SPOCK3: variants seen among roughly 807,000 people sequenced by gnomAD.
SPOCK3 encodes SPARC (osteonectin), cwcv and kazal like domains proteoglycan 3, also known as testican-3.
A neutral mutation model predicts 56.6 loss-of-function variants in SPOCK3; 30 were observed. That is an observed-to-expected ratio of 0.53 (90% CI 0.40 to 0.72). SPOCK3 has a LOEUF of 0.72. Among genes scored for constraint, SPOCK3 ranks in the 30% least tolerant of loss-of-function variants. The pLI, the probability that SPOCK3 is intolerant of heterozygous loss-of-function variation, is 0.00. For missense variants in SPOCK3, 527 were observed against 530.0 expected, an observed-to-expected ratio of 0.99 and a Z score of 0.06; for synonymous variants, 196 against 183.3, an observed-to-expected ratio of 1.07 and a Z score of -0.56.
At chr4:166,919,760 C>T (rs1232871908) in intron 4 of SPOCK3, among the ~76,000 whole-genome samples, 1 of 152,072 alleles carries the variant, frequency 6.6e-6, no homozygotes, top group Non-Finnish European at 1.5e-5. Context: ...CAGCAAAATG[C>T]AAGCCAACAG....
At chr4:166,868,308 A>G (rs1426214683) in intron 6 of SPOCK3, among the ~76,000 whole-genome samples, 3 of 151,860 alleles carry the variant, frequency 2.0e-5, no homozygotes, top group Non-Finnish European at 4.4e-5. Flanking sequence ...AAAAGAAAAA[A>G]AAAAACCTAG....
At chr4:167,070,143 C>T (rs1389227124) in intron 2 of SPOCK3, among the ~76,000 whole-genome samples, 1 of 151,832 alleles carries the variant, frequency 6.6e-6, no homozygotes, top group Non-Finnish European at 1.5e-5. Context: ...TAATTACAAA[C>T]ACAACAAAAA....
chr4:166,905,654 G>C (rs1335031980), intron 5 of SPOCK3, among the ~76,000 whole-genome samples: 1 of 151,728 alleles, frequency 6.6e-6, no homozygotes, highest in African/African-American at 2.4e-5. Flanking sequence ...AAAACCTAAG[G>C]CAAGAAATAG....
chr4:167,139,504 G>A (rs1763364992), intron 2 of SPOCK3, among the ~76,000 whole-genome samples: 1 of 151,866 alleles, frequency 6.6e-6, no homozygotes, highest in African/African-American at 2.4e-5. Context: ...AGAAACACAT[G>A]AACTAATAGA....
chr4:166,811,304 T>C (rs557610445), intron 6 of SPOCK3, among the ~76,000 whole-genome samples: 24 of 151,216 alleles, frequency 1.6e-4, no homozygotes, highest in Non-Finnish European at 3.0e-4. Flanking sequence ...TGCTCACTGA[T>C]ACTCTACTCT....
At chr4:167,083,183 T>C in intron 2 of SPOCK3, 1 of 764,948 alleles carries the variant, frequency 1.3e-6, no homozygotes, top group African/African-American at 1.7e-5. Flanking sequence ...TGTATTGAGA[T>C]AGCTAGTCAT....
intron 4 of SPOCK3, among the ~76,000 whole-genome samples, chr4:166,936,637 T>C (rs545874855): frequency 6.6e-5 from 10 of 152,132 alleles, no homozygotes; most frequent in Non-Finnish European, 1.2e-4. Context: ...TTTTTATTAG[T>C]AATTCCCCCT....
At chr4:166,987,010 C>G (rs779001180) in intron 4 of SPOCK3, among the ~76,000 whole-genome samples, 6 of 152,156 alleles carry the variant, frequency 3.9e-5, no homozygotes, top group African/African-American at 1.4e-4. Flanking sequence ...CTTCTCACAG[C>G]ACATGCAGTG....
At chr4:166,979,252 C>A (rs1037663922) in intron 4 of SPOCK3, among the ~76,000 whole-genome samples, 3 of 151,990 alleles carry the variant, frequency 2.0e-5, no homozygotes, top group Admixed American at 6.6e-5. Context: ...ATGCAGGGTG[C>A]CTCTCTTCTC....
intron 2 of SPOCK3, among the ~76,000 whole-genome samples, chr4:167,224,058 A>G (rs1736345570): frequency 1.3e-5 from 2 of 152,162 alleles, no homozygotes; most frequent in Non-Finnish European, 2.9e-5. Context: ...TTTAAAAGTA[A>G]TTTGGTTAGA....
At chr4:166,832,967 G>C (rs952259209) in intron 6 of SPOCK3, among the ~76,000 whole-genome samples, 2 of 152,116 alleles carry the variant, frequency 1.3e-5, no homozygotes, top group African/African-American at 2.4e-5. Context: ...CTCACTACCT[G>C]GGTGTCAGGA....
At chr4:167,217,954 T>C (rs1396121403) in intron 2 of SPOCK3, among the ~76,000 whole-genome samples, 1 of 151,948 alleles carries the variant, frequency 6.6e-6, no homozygotes, top group African/African-American at 2.4e-5. Context: ...CAAAGGGTTT[T>C]AGCAAACAAC....
chr4:167,062,644 C>A, intron 2 of SPOCK3, 107 bp from the exon 3 acceptor site: 1 of 749,474 alleles, frequency 1.3e-6, no homozygotes, highest in Non-Finnish European at 2.3e-6. Flanking sequence ...ATACAAACCT[C>A]TACTTCCTGC....
chr4:167,154,127 T>TTATGTTCCTA (rs1315403463), intron 2 of SPOCK3, among the ~76,000 whole-genome samples: 1 of 152,198 alleles, frequency 6.6e-6, no homozygotes, highest in Non-Finnish European at 1.5e-5. Context: ...AAGTATGTTA[T>TTATGTTCCTA]TATGTTCCTA....
At chr4:166,928,038 A>T (rs900256609) in intron 4 of SPOCK3, among the ~76,000 whole-genome samples, 1 of 152,216 alleles carries the variant, frequency 6.6e-6, no homozygotes, top group Non-Finnish European at 1.5e-5. Context: ...AGCACTATAA[A>T]CTTATTAGAA....
chr4:166,834,221 T>C (rs6845706), intron 6 of SPOCK3, among the ~76,000 whole-genome samples: 6,902 of 152,222 alleles, frequency 0.045, 501 homozygotes, highest in African/African-American at 0.15. Flanking sequence ...AAACTCTCTT[T>C]GTTTCTGTGG....
intron 2 of SPOCK3, among the ~76,000 whole-genome samples, chr4:167,153,716 T>C (rs1283494242): frequency 2.0e-5 from 3 of 152,204 alleles, no homozygotes; most frequent in African/African-American, 7.2e-5. Context: ...GCATGTTAGA[T>C]GTCTATTAAA....
At chr4:166,983,844 T>C (rs1460007063) in intron 4 of SPOCK3, among the ~76,000 whole-genome samples, 1 of 152,090 alleles carries the variant, frequency 6.6e-6, no homozygotes, top group East Asian at 1.9e-4. Flanking sequence ...TCATTATTAA[T>C]TTGAATTTTC....
intron 2 of SPOCK3, among the ~76,000 whole-genome samples, chr4:167,156,186 T>C (rs779178509): frequency 4.6e-5 from 7 of 152,158 alleles, no homozygotes; most frequent in Non-Finnish European, 7.4e-5. Context: ...CTGTTTTACA[T>C]ATACAGCAAA....
Sources: allele counts gnomAD v4.1 joint callset (sites outside exome capture counted in the v4.1 genomes callset), GRCh38; gene constraint gnomAD v4.1.1; transcripts MANE v1.5; gene names NCBI Gene and HGNC (gene_info 2026-07-23, HGNC 2026-07-21).